The following CNTNAP5 variants were observed in gnomAD, a reference collection of about 807,000 sequenced individuals.
CNTNAP5 encodes the protein contactin-associated protein-like 5.
A neutral mutation model predicts 150.2 loss-of-function variants in CNTNAP5; 72 were observed. The observed-to-expected ratio is 0.48, with a 90% CI of 0.40 to 0.58. CNTNAP5 has a LOEUF of 0.58. Ranked by LOEUF, CNTNAP5 falls within the 20% of genes least tolerant of loss-of-function variation. The pLI is 0.00. For synonymous variants in CNTNAP5, 672 were observed against 619.8 expected, an observed-to-expected ratio of 1.08 and a Z score of -1.25; for missense variants, 1,636 against 1,626.2, an observed-to-expected ratio of 1.01 and a Z score of -0.10.
intron 13 of CNTNAP5, among the ~76,000 whole-genome samples, chr2:124,708,042 T>C (rs868648791): frequency 1.3e-5 from 2 of 152,240 alleles, no homozygotes; most frequent in South Asian, 4.1e-4. Context: ...GATGGTGTTT[T>C]GTTCACTGTT....
chr2:124,538,392 C>T (rs1273095282), intron 10 of CNTNAP5, among the ~76,000 whole-genome samples: 1 of 152,010 alleles, frequency 6.6e-6, no homozygotes, highest in Non-Finnish European at 1.5e-5. Context: ...GCATGAGAAT[C>T]GTTTGAACCC....
intron 19 of CNTNAP5, among the ~76,000 whole-genome samples, chr2:124,817,733 T>C (rs1558787769): frequency 6.6e-6 from 1 of 152,148 alleles, no homozygotes; most frequent in African/African-American, 2.4e-5. Flanking sequence ...TGCACTTTTG[T>C]TTTCTTGAGG....
intron 6 of CNTNAP5, among the ~76,000 whole-genome samples, chr2:124,466,311 C>T (rs1025787722): frequency 2.6e-5 from 4 of 152,088 alleles, no homozygotes; most frequent in African/African-American, 9.7e-5. Flanking sequence ...TATCCTATGG[C>T]ACCAACTGAT....
intron 3 of CNTNAP5, among the ~76,000 whole-genome samples, chr2:124,410,456 CA>C (rs1307652160): frequency 1.0e-4 from 15 of 148,382 alleles, no homozygotes; most frequent in Admixed American, 2.7e-4. Context: ...ACACCTATTC[CA>C]AAATTGACCA....
At chr2:124,226,708 C>A (rs571920578) in intron 2 of CNTNAP5, among the ~76,000 whole-genome samples, 62 of 152,118 alleles carry the variant, frequency 4.1e-4, no homozygotes, top group African/African-American at 1.4e-3. Context: ...GGGTAATTTA[C>A]AAAGAAAAGA....
intron 3 of CNTNAP5, among the ~76,000 whole-genome samples, chr2:124,322,187 A>T (rs1266728620): frequency 1.4e-5 from 2 of 141,010 alleles, no homozygotes; most frequent in Non-Finnish European, 3.2e-5. Flanking sequence ...AATAAAATAA[A>T]ATAAAATAAA....
At chr2:124,482,828 G>A (rs1693791861) in intron 7 of CNTNAP5, among the ~76,000 whole-genome samples, 1 of 152,180 alleles carries the variant, frequency 6.6e-6, no homozygotes, top group African/African-American at 2.4e-5. Context: ...AAGGGTCAAA[G>A]CGCTTCCCCA....
intron 6 of CNTNAP5, among the ~76,000 whole-genome samples, chr2:124,468,390 A>C (rs1693430733): frequency 6.6e-6 from 1 of 152,126 alleles, no homozygotes; most frequent in African/African-American, 2.4e-5. Context: ...AAGGGTCCAA[A>C]GCCAAAGTCC....
At chr2:124,493,543 T>C (rs938089994) in intron 7 of CNTNAP5, among the ~76,000 whole-genome samples, 8 of 152,116 alleles carry the variant, frequency 5.3e-5, no homozygotes, top group African/African-American at 1.4e-4. Context: ...GGTTTCACCA[T>C]GTTGGCCAGG....
chr2:124,677,118 G>A lies in CNTNAP5; in HGVS notation c.2077+29160G>A, dbSNP rs35773922. ...CTTAAAGATGGTGTGTCCTGAGTTCGTTCCTTCAGATGTTCAGATGTGTCC... is the reference window on the plus strand; with the variant it reads ...CTTAAAGATGGTGTGTCCTGAGTTCATTCCTTCAGATGTTCAGATGTGTCC... On this transcript the variant is annotated intron_variant, in intron 13 of 23. Coordinates refer to ENST00000682447, the MANE Select transcript of CNTNAP5 (RefSeq NM_001367498.1). 2.2e-3 allele frequency among the ~76,000 whole-genome samples: 331 copies of A among 152,108 alleles called. 2 individuals carry two copies. In the East Asian group the frequency reaches 0.025, roughly 11 times the overall value.
At chr2:124,306,250 C>A (rs375403237) in intron 3 of CNTNAP5, among the ~76,000 whole-genome samples, 1 of 152,172 alleles carries the variant, frequency 6.6e-6, no homozygotes, top group Non-Finnish European at 1.5e-5. Flanking sequence ...CCAAAGTGCT[C>A]CCAGTCGCTC....
chr2:124,203,995 C>T (rs575307049), intron 1 of CNTNAP5, among the ~76,000 whole-genome samples: 5 of 152,294 alleles, frequency 3.3e-5, no homozygotes, highest in African/African-American at 9.6e-5. Context: ...TGTTTTCTAT[C>T]GCATTGTCAG....
chr2:124,400,672 T>G (rs1691389651), intron 3 of CNTNAP5, among the ~76,000 whole-genome samples: 1 of 88,812 alleles, frequency 1.1e-5, no homozygotes. Flanking sequence ...AGGCATTGTT[T>G]TTTTTTTTTT....
At chr2:124,862,154 T>C (rs559738671) in intron 19 of CNTNAP5, among the ~76,000 whole-genome samples, 163 of 152,328 alleles carry the variant, frequency 1.1e-3, no homozygotes, top group African/African-American at 3.9e-3. Flanking sequence ...AAGCTAAGGC[T>C]CAAATCTCTT....
At chr2:124,832,715 C>T (rs1415407816) in intron 19 of CNTNAP5, among the ~76,000 whole-genome samples, 2 of 152,032 alleles carry the variant, frequency 1.3e-5, no homozygotes, top group East Asian at 1.9e-4. Context: ...TAAACAAAAT[C>T]TCCAGTTACT....
At chr2:124,481,102 G>A (rs1310724674) in intron 7 of CNTNAP5, among the ~76,000 whole-genome samples, 1 of 152,208 alleles carries the variant, frequency 6.6e-6, no homozygotes, top group Non-Finnish European at 1.5e-5. Context: ...AGAGTGCCAG[G>A]ACGATCGGGT....
At chr2:124,377,734 T>C (rs535140219) in intron 3 of CNTNAP5, among the ~76,000 whole-genome samples, 213 of 146,696 alleles carry the variant, frequency 1.5e-3, no homozygotes, top group African/African-American at 5.0e-3. Flanking sequence ...TGGATAATAA[T>C]GCAAATCCCT....
At position 124,855,166 on chromosome 2, in the gene CNTNAP5, G is replaced by GTT. The variant is rs1558801475; in HGVS notation, c.3218-10140_3218-10139insTT. Among the ~76,000 whole-genome samples, 45 of 77,532 alleles carry GTT rather than the reference G, an allele frequency of 5.8e-4. 1 individual carries two copies. The highest frequency in any genetic ancestry group is 2.0e-3 in the African/African-American group (45 of 22,078). 50.9% of individuals were successfully genotyped at this position (77,532 alleles called of 152,430 possible). ...TAGAATTAGAAAGCCTTGGGCTTTT[G>GTT]CTTTTTTTTTTTTTTTTTTTTTTTT... On this transcript the variant is annotated intron_variant, in intron 19 of 23. Coordinates refer to ENST00000682447, the MANE Select transcript of CNTNAP5 (RefSeq NM_001367498.1).
At chr2:124,740,819 C>T (rs774012227) in intron 13 of CNTNAP5, among the ~76,000 whole-genome samples, 3 of 152,110 alleles carry the variant, frequency 2.0e-5, no homozygotes, top group Non-Finnish European at 4.4e-5. Flanking sequence ...ATTCTGGGGC[C>T]GTGGCTGGAG....
Sources: allele counts gnomAD v4.1 joint callset (sites outside exome capture counted in the v4.1 genomes callset), GRCh38; gene constraint gnomAD v4.1.1; transcripts MANE v1.5; gene names NCBI Gene and HGNC (gene_info 2026-07-23, HGNC 2026-07-21).